ZNF416: variants seen among roughly 807,000 people sequenced by gnomAD.
ZNF416 encodes zinc finger protein 416.
Under a neutral mutation model 10.9 loss-of-function variants are expected in ZNF416, and 5 were observed. The observed-to-expected ratio is 0.46, with a 90% CI of 0.24 to 0.97. The LOEUF is 0.97. ZNF416 is among the 50% of genes least tolerant of loss of function. The pLI is 0.19. For missense variants in ZNF416, 675 were observed against 715.0 expected, an observed-to-expected ratio of 0.94 and a Z score of 0.64; for synonymous variants, 267 against 251.8, an observed-to-expected ratio of 1.06 and a Z score of -0.57.
Position 57,571,884 on chromosome 19 carries a change from A to G in ZNF416, c.*235T>C. On this transcript the variant is annotated 3_prime_UTR_variant, in exon 4 of 4. Coordinates refer to ENST00000196489, the MANE Select transcript of ZNF416 (RefSeq NM_017879.3). ...CTCGCCTTAGTATGCAAGGGTGACT[A>G]ATGATTTAACTCTGGCAAAGGCCTC... 1 of 523,190 alleles carries G rather than the reference A, an allele frequency of 1.9e-6. No individual in the cohort carries two copies. 32.4% of individuals were successfully genotyped at this position (523,190 alleles called of 1,614,324 possible).
At chr19:57,576,365 C>A (rs1381829963) in intron 2 of ZNF416, among the ~76,000 whole-genome samples, 3 of 152,110 alleles carry the variant, frequency 2.0e-5, no homozygotes, top group African/African-American at 4.8e-5. Flanking sequence ...ATCTCACTCC[C>A]ACGGCTATTT....
chr19:57,574,966 G>A (rs1229411928), intron 3 of ZNF416, among the ~76,000 whole-genome samples: 1 of 152,196 alleles, frequency 6.6e-6, no homozygotes, highest in African/African-American at 2.4e-5. Context: ...GGGGGGCAGT[G>A]CAGAGAAACT....
At chr19:57,574,530 C>T (rs1426637482) in intron 3 of ZNF416, among the ~76,000 whole-genome samples, 1 of 152,154 alleles carries the variant, frequency 6.6e-6, no homozygotes, top group Non-Finnish European at 1.5e-5. Flanking sequence ...TAATTAAAAT[C>T]CTGTGGGTAC....
chr19:57,576,389 C>T (rs891489558), intron 2 of ZNF416, among the ~76,000 whole-genome samples: 23 of 152,034 alleles, frequency 1.5e-4, no homozygotes, highest in African/African-American at 5.6e-4. Flanking sequence ...CCCTGTTGCC[C>T]CACACCATAG....
At chr19:57,577,577 TCTCATAC>T (rs1407589161) in intron 2 of ZNF416, among the ~76,000 whole-genome samples, 2 of 152,104 alleles carry the variant, frequency 1.3e-5, no homozygotes, top group African/African-American at 4.8e-5. Flanking sequence ...TATCTTCCTA[TCTCATAC>T]CTCACACTCA....
At position 57,572,379 on chromosome 19, in the gene ZNF416, G is replaced by A; in HGVS notation, c.1525C>T (p.Leu509Phe). 1 of 1,614,224 alleles carries A rather than the reference G, an allele frequency of 6.2e-7. No individual in the cohort carries two copies. Among genetic ancestry groups the A allele is most frequent in the Non-Finnish European group, 8.5e-7 (1 of 1,180,044 alleles). Residue 509 changes from leucine (L) to phenylalanine (F), a missense_variant, in exon 4 of 4, where the codon CTC becomes TTC. By Grantham distance (22) the Leu-to-Phe change is conservative (BLOSUM62 0). Coordinates refer to ENST00000196489, the MANE Select transcript of ZNF416 (RefSeq NM_017879.3). This position sits in a 1 kb window ranked among gnomAD's most constrained non-coding sequence, Gnocchi z 4.5. Reference sequence around the variant, plus strand: ...GTGTGAATTTTCTGGTGTTCAACGAGGGTATAGCTTTGTCTAAAAAATTTC... The same window carrying A: ...GTGTGAATTTTCTGGTGTTCAACGAAGGTATAGCTTTGTCTAAAAAATTTC... ...CGKFFRQSYT[L>F]VEHQKIHTGL...
intron 2 of ZNF416, among the ~76,000 whole-genome samples, chr19:57,576,361 C>T (rs1229349961): frequency 1.3e-5 from 2 of 152,138 alleles, no homozygotes; most frequent in Non-Finnish European, 2.9e-5. Context: ...AACAATCTCA[C>T]TCCCACGGCT....
Position 57,571,923 on chromosome 19 carries a change from C to T in ZNF416, c.*196G>A, listed in dbSNP as rs945281479. 1 of 634,976 alleles carries T rather than the reference C, an allele frequency of 1.6e-6. No homozygotes were observed. The highest frequency in any genetic ancestry group is 2.6e-6 in the Non-Finnish European group (1 of 377,410). The allele number at this position is 634,976 out of a possible 1,614,324, so 39.3% of individuals were successfully genotyped here. ...GGCAAAGGCCTCCAGCAGTTTAGAA[C>T]ATGCAAAGGAGCTCCTGCAAGACAC... On this transcript the variant is annotated 3_prime_UTR_variant, in exon 4 of 4. Coordinates refer to ENST00000196489, the MANE Select transcript of ZNF416 (RefSeq NM_017879.3).
At chr19:57,578,518 G>T in intron 1 of ZNF416, 154 bp downstream of exon 1, 2 of 832,718 alleles carry the variant, frequency 2.4e-6, no homozygotes, top group South Asian at 2.5e-5. Context: ...CACAGCCCAC[G>T]ACACCAGGCT....
chr19:57,572,061 A>C lies in ZNF416; in HGVS notation c.*58T>G. On this transcript the variant is annotated 3_prime_UTR_variant, in exon 4 of 4. Coordinates refer to ENST00000196489, the MANE Select transcript of ZNF416 (RefSeq NM_017879.3). The surrounding 1 kb of genome is among the most constrained non-coding windows in gnomAD (Gnocchi z 4.5). ...CTCTCTATAGCCATAACACTGAAGA[A>C]AGACATGGCACATTCCCTGCAGGTC... 6.4e-6 allele frequency: 10 copies of C among 1,557,920 alleles called. No individual in the cohort carries two copies. Among genetic ancestry groups the C allele is most frequent in the Non-Finnish European group, 7.8e-6 (9 of 1,150,402 alleles).
chr19:57,577,182 G>A (rs764280958), intron 2 of ZNF416, among the ~76,000 whole-genome samples: 1 of 152,112 alleles, frequency 6.6e-6, no homozygotes, highest in Non-Finnish European at 1.5e-5. Context: ...TTCTAGTCCT[G>A]TAGGATAAAC....
Position 57,578,112 on chromosome 19 carries a change from A to T in ZNF416, c.34-14T>A. 6.2e-7 allele frequency: 1 copy of T among 1,614,168 alleles called. No homozygotes were observed. Among genetic ancestry groups the T allele is most frequent in the South Asian group, 1.1e-5 (1 of 91,078 alleles). On this transcript the variant is annotated splice_polypyrimidine_tract_variant and intron_variant, in intron 1 of 3. Transcript: ENST00000196489. ...AGTCACGGGAACCTGCGGGAAGAGG[A>T]AGGCTATGAGAGGCAGGTAACTATG...
At chr19:57,578,201 G>C in intron 1 of ZNF416, 103 bp from the exon 2 acceptor site, 1 of 1,164,688 alleles carries the variant, frequency 8.6e-7, no homozygotes. Flanking sequence ...AGGTGACTTG[G>C]TGATGACTAA....
rs537011734 is a variant in ZNF416 at position 57,572,323 on chromosome 19, G to A, written c.1581C>T (p.Cys527=). ...TAGACTTTTGGATAAAGGATTTCCC[G>A]CACTGTCCACAGTCGTAAGGCCTTA... ...TGLRPYDCGQ[C]GKSFIQKSSL... is the part of the protein sequence containing the mutation. Residue 527 remains cysteine, a synonymous_variant, in exon 4 of 4, where the codon TGC becomes TGT. Transcript: ENST00000196489. This position sits in a 1 kb window ranked among gnomAD's most constrained non-coding sequence, Gnocchi z 4.5. The A allele has an allele frequency of 8.9e-5, 144 of 1,613,892 alleles. No homozygotes were observed. In the South Asian group the frequency reaches 1.1e-3, roughly 12 times the overall value.
intron 2 of ZNF416, among the ~76,000 whole-genome samples, chr19:57,577,710 G>A (rs747649690): frequency 2.6e-5 from 4 of 152,108 alleles, no homozygotes; most frequent in Non-Finnish European, 4.4e-5. Flanking sequence ...AGAAACACCC[G>A]ACAACTGACA....
chr19:57,577,386 T>A (rs186024549), intron 2 of ZNF416, among the ~76,000 whole-genome samples: 1 of 152,330 alleles, frequency 6.6e-6, no homozygotes, highest in East Asian at 1.9e-4. Flanking sequence ...GGAGCTTCCA[T>A]ATTTCCAGCT....
Position 57,575,737 on chromosome 19 carries a change from G to C in ZNF416, c.202+67C>G, listed in dbSNP as rs1044392175. On this transcript the variant is annotated intron_variant, in intron 3 of 3. Transcript: ENST00000196489. The surrounding 1 kb of genome is among the most constrained non-coding windows in gnomAD (Gnocchi z 4.4). ...AGTCAGCAAAGCCCACGGTCCGGCAGAGCTGCCTCTGAGGAAAAAGAGGAT... is the reference window on the plus strand; with the variant it reads ...AGTCAGCAAAGCCCACGGTCCGGCACAGCTGCCTCTGAGGAAAAAGAGGAT... 1.2e-6 allele frequency: 2 copies of C among 1,610,080 alleles called. No individual in the cohort carries two copies. The highest frequency in any genetic ancestry group is 1.7e-6 in the Non-Finnish European group (2 of 1,176,804).
chr19:57,575,956 C>T lies in ZNF416; in HGVS notation c.76-26G>A, dbSNP rs1328733084. 2.5e-6 allele frequency: 4 copies of T among 1,608,794 alleles called. No individual in the cohort carries two copies. Among genetic ancestry groups the T allele is most frequent in the Non-Finnish European group, 3.4e-6 (4 of 1,177,054 alleles). ...CTGCCATGATGGGGATAGATCTTTCCATGATCAGATTCTCTCCTAGGACCC... is the reference window on the plus strand; with the variant it reads ...CTGCCATGATGGGGATAGATCTTTCTATGATCAGATTCTCTCCTAGGACCC... On this transcript the variant is annotated intron_variant, in intron 2 of 3. Transcript: ENST00000196489. This position sits in a 1 kb window ranked among gnomAD's most constrained non-coding sequence, Gnocchi z 4.4.
chr19:57,574,532 T>A (rs946582022), intron 3 of ZNF416, among the ~76,000 whole-genome samples: 3 of 152,244 alleles, frequency 2.0e-5, no homozygotes, highest in Admixed American at 2.0e-4. Flanking sequence ...ATTAAAATCC[T>A]GTGGGTACAT....
Sources: gnomAD v4.1 joint callset for allele counts (sites outside exome capture counted in the v4.1 genomes callset) on GRCh38, gnomAD v4.1.1 for gene constraint, Gnocchi (gnomAD v3.1) non-coding constraint, MANE v1.5 for transcripts, NCBI Gene and HGNC (gene_info 2026-07-23, HGNC 2026-07-21) for gene names.